The following IL1RAP variants were observed in gnomAD, a reference collection of about 807,000 sequenced individuals.
The protein encoded by IL1RAP is interleukin-1 receptor accessory protein.
IL1RAP carries 35 observed loss-of-function variants against 60.7 expected under a neutral mutation model. The observed-to-expected ratio is 0.58, with a 90% confidence interval of 0.44 to 0.76. The LOEUF (loss-of-function observed/expected upper bound fraction) is 0.76, where lower values mean the gene tolerates loss of function less well. Ranked by LOEUF, IL1RAP falls within the 30% of genes least tolerant of loss-of-function variation. IL1RAP has a pLI of 0.00. For synonymous variants in IL1RAP, 268 were observed against 250.9 expected, an observed-to-expected ratio of 1.07 and a Z score of -0.64; for missense variants, 572 against 693.9, an observed-to-expected ratio of 0.82 and a Z score of 1.97.
intron 8 of IL1RAP, 152 bp downstream of exon 8, chr3:190,627,601 C>G: frequency 1.0e-6 from 1 of 1,000,772 alleles, no homozygotes; most frequent in Non-Finnish European, 1.4e-6. Flanking sequence ...TGATTGCATC[C>G]CAAACCAGGG....
chr3:190,592,009 T>C (rs1232202484), intron 3 of IL1RAP, among the ~76,000 whole-genome samples: 9 of 152,078 alleles, frequency 5.9e-5, no homozygotes, highest in Admixed American at 5.2e-4. Context: ...ATACTCAGAA[T>C]TCGTTCTTTT....
At chr3:190,581,089 G>A (rs902785500) in intron 3 of IL1RAP, among the ~76,000 whole-genome samples, 4 of 152,234 alleles carry the variant, frequency 2.6e-5, no homozygotes, top group South Asian at 4.1e-4. Context: ...AGTGGCATTC[G>A]AGTGTTTCCT....
At chr3:190,624,372 A>G (rs917982727) in intron 7 of IL1RAP, among the ~76,000 whole-genome samples, 1 of 152,226 alleles carries the variant, frequency 6.6e-6, no homozygotes, top group South Asian at 2.1e-4. Context: ...TTTGTTTAAG[A>G]ATCGCGCTGG....
In IL1RAP at chr3:190,620,449, G is replaced by T; in HGVS notation, c.703+9G>T. 1.9e-6 allele frequency: 3 copies of T among 1,607,412 alleles called. No homozygotes were observed. The South Asian group carries it at 3.3e-5, about 18-fold the overall frequency. On this transcript the variant is annotated intron_variant, in intron 6 of 11. Coordinates refer to ENST00000447382, the MANE Select transcript of IL1RAP (RefSeq NM_002182.4). ...GACTGTAAAGGTAGTAGGTAAGCATGATTAGTGTCCAGTACACACAACAAG... is the reference window on the plus strand; with the variant it reads ...GACTGTAAAGGTAGTAGGTAAGCATTATTAGTGTCCAGTACACACAACAAG...
At chr3:190,632,290 A>T (rs1732853488) in intron 9 of IL1RAP, among the ~76,000 whole-genome samples, 1 of 152,186 alleles carries the variant, frequency 6.6e-6, no homozygotes, top group Admixed American at 6.5e-5. Flanking sequence ...TTTTAGCCAT[A>T]CTGATGGATG....
intron 1 of IL1RAP, among the ~76,000 whole-genome samples, chr3:190,534,016 C>T (rs1180356205): frequency 3.3e-5 from 5 of 151,646 alleles, no homozygotes; most frequent in African/African-American, 9.7e-5. Context: ...GAAAGCTCTG[C>T]TAGTCAAATA....
chr3:190,577,773 C>T (rs1727626121), intron 3 of IL1RAP, among the ~76,000 whole-genome samples: 1 of 152,060 alleles, frequency 6.6e-6, no homozygotes, highest in South Asian at 2.1e-4. Context: ...CTCAGGAGAT[C>T]CTCCTGAGTG....
chr3:190,577,491 C>T lies in IL1RAP; in HGVS notation c.64+13138C>T, dbSNP rs911215978. Among the ~76,000 whole-genome samples, 6 of 152,186 alleles carry T rather than the reference C, an allele frequency of 3.9e-5. No individual in the cohort carries two copies. The East Asian group carries it at 1.2e-3, about 29-fold the overall frequency. On this transcript the variant is annotated intron_variant, in intron 3 of 11. Coordinates refer to ENST00000447382, the MANE Select transcript of IL1RAP (RefSeq NM_002182.4). ...TCATCAACCCCCGGCTGTTTACCAG[C>T]ACGCCACTCTGGTCATGCATGTGTA...
chr3:190,619,191 A>C (rs1731540974), intron 5 of IL1RAP, among the ~76,000 whole-genome samples: 1 of 152,194 alleles, frequency 6.6e-6, no homozygotes. Flanking sequence ...CAGATAGTGT[A>C]TTGATTTTTT....
chr3:190,574,426 GC>G (rs1727263755), intron 3 of IL1RAP, among the ~76,000 whole-genome samples: 1 of 152,160 alleles, frequency 6.6e-6, no homozygotes, highest in African/African-American at 2.4e-5. Flanking sequence ...GCAGTGGGAA[GC>G]TGTTAACTTT....
chr3:190,522,393 TTCTATGTATCTATCTATGTA>T (rs1172904073), intron 1 of IL1RAP, among the ~76,000 whole-genome samples: 1 of 139,046 alleles, frequency 7.2e-6, no homozygotes, highest in Non-Finnish European at 1.5e-5. Context: ...CTATGTATCT[TTCTATGTATCTATCTATGTA>T]TCTATGTATC....
At chr3:190,644,576 A>G (rs187066388) in intron 10 of IL1RAP, among the ~76,000 whole-genome samples, 179 bp downstream of exon 10, 305 of 152,262 alleles carry the variant, frequency 2.0e-3, no homozygotes, top group African/African-American at 6.6e-3. Context: ...TTATTATTCT[A>G]TTTTCTTGGA....
chr3:190,600,212 CT>C (rs1017267651), intron 3 of IL1RAP, among the ~76,000 whole-genome samples: 1 of 152,136 alleles, frequency 6.6e-6, no homozygotes, highest in Non-Finnish European at 1.5e-5. Flanking sequence ...TAAAGAGCTT[CT>C]GATAGTAAGA....
intron 1 of IL1RAP, among the ~76,000 whole-genome samples, chr3:190,547,301 C>G (rs577757004): frequency 2.0e-5 from 3 of 152,166 alleles, no homozygotes; most frequent in Non-Finnish European, 4.4e-5. Context: ...CCCCTTCCCC[C>G]CATCCAGTGT....
downstream of IL1RAP, among the ~76,000 whole-genome samples, chr3:190,654,088 A>G (rs1349686986): frequency 6.6e-6 from 1 of 152,096 alleles, no homozygotes; most frequent in Non-Finnish European, 1.5e-5. Flanking sequence ...GTCATTTTTT[A>G]AGAAGATCTG....
chr3:190,612,485 C>T (rs185968724), intron 5 of IL1RAP, among the ~76,000 whole-genome samples: 1 of 152,244 alleles, frequency 6.6e-6, no homozygotes, highest in East Asian at 1.9e-4. Flanking sequence ...AATTGTACCA[C>T]CTTTATTAAT....
intron 2 of IL1RAP, among the ~76,000 whole-genome samples, chr3:190,562,127 T>C (rs1447733665): frequency 2.0e-5 from 3 of 152,354 alleles, no homozygotes; most frequent in East Asian, 1.9e-4. Context: ...GTTCTTTATA[T>C]ACTATTTTCC....
chr3:190,620,958 T>C (rs1731726067), intron 6 of IL1RAP, among the ~76,000 whole-genome samples: 1 of 152,188 alleles, frequency 6.6e-6, no homozygotes, highest in South Asian at 2.1e-4. Flanking sequence ...CTGGCAATAA[T>C]GTTCAACCAT....
At chr3:190,656,051 G>A (rs537984920), downstream of IL1RAP, 35 of 1,537,058 alleles carry the variant, frequency 2.3e-5, no homozygotes, top group African/African-American at 9.6e-5. Context: ...GTTGAGTACC[G>A]TCCCCTTGAG....
Sources: allele counts gnomAD v4.1 joint callset (sites outside exome capture counted in the v4.1 genomes callset), GRCh38; gene constraint gnomAD v4.1.1; transcripts MANE v1.5; gene names NCBI Gene and HGNC (gene_info 2026-07-23, HGNC 2026-07-21).